The following ATP10B variants were observed in gnomAD, a reference collection of about 807,000 sequenced individuals.
The protein encoded by ATP10B is phospholipid-transporting ATPase VB.
A neutral mutation model predicts 141.2 loss-of-function variants in ATP10B; 122 were observed. The ratio of observed to expected loss-of-function variants is 0.86; its 90% CI spans 0.75 to 1.00. The LOEUF is 1.00. ATP10B is among the 50% of genes least tolerant of loss of function. The probability of loss-of-function intolerance (pLI) is 0.00; values close to 1 mark genes in which losing one functional copy is unlikely to be tolerated. For missense variants in ATP10B, 1,876 were observed against 1,825.3 expected (o/e 1.03, Z -0.51); for synonymous variants, 685 against 692.0 (o/e 0.99, Z 0.16).
intron 1 of ATP10B, among the ~76,000 whole-genome samples, chr5:160,815,497 T>C (rs902306167): frequency 2.0e-5 from 3 of 151,804 alleles, no homozygotes; most frequent in African/African-American, 7.2e-5. Context: ...AGCAAGTCCT[T>C]AGAGACCTAC....
At chr5:160,714,933 C>G (rs1247458828) in intron 3 of ATP10B, among the ~76,000 whole-genome samples, 1 of 138,896 alleles carries the variant, frequency 7.2e-6, no homozygotes, top group Non-Finnish European at 1.6e-5. Flanking sequence ...GCTCGGGGGT[C>G]AGGGGTCAGG....
chr5:160,587,277 G>A (rs190317556), intron 24 of ATP10B, among the ~76,000 whole-genome samples: 2 of 152,136 alleles, frequency 1.3e-5, no homozygotes, highest in African/African-American at 4.8e-5. Context: ...GGTGTGTGGT[G>A]TTATTTGAGG....
At chr5:160,729,028 G>A (rs975226179) in intron 2 of ATP10B, among the ~76,000 whole-genome samples, 32 of 152,190 alleles carry the variant, frequency 2.1e-4, no homozygotes, top group Admixed American at 2.6e-4. Context: ...CAGCTCTGCT[G>A]CTGATTTGCT....
intron 17 of ATP10B, among the ~76,000 whole-genome samples, chr5:160,614,849 C>T (rs563693365): frequency 5.9e-5 from 9 of 152,304 alleles, no homozygotes; most frequent in Non-Finnish European, 1.3e-4. Context: ...TGGTCCTCAT[C>T]CCCAGGTCAA....
rs183111556 is a variant in ATP10B at position 160,749,564 on chromosome 5, T to C, written c.-330-32530A>G. Among the ~76,000 whole-genome samples the C allele has an allele frequency of 2.5e-3, 378 of 152,218 alleles. 3 individuals are homozygous for C. Among genetic ancestry groups the C allele is most frequent in the African/African-American group, 8.8e-3 (365 of 41,548 alleles). ...ACGACTGTCACTATCATCCCTCCAA[T>C]ACATAGAAGGAAAATGAGAATTTAA... On this transcript the variant is annotated intron_variant, in intron 2 of 25. Coordinates refer to ENST00000327245, the MANE Select transcript of ATP10B (RefSeq NM_025153.3).
intron 24 of ATP10B, among the ~76,000 whole-genome samples, chr5:160,587,266 AGGTGTGT>A (rs1755970921): frequency 6.6e-6 from 1 of 152,156 alleles, no homozygotes; most frequent in African/African-American, 2.4e-5. Context: ...AGATGGTTGT[AGGTGTGT>A]GGTGTTATTT....
chr5:160,721,652 A>C (rs2127782369), intron 2 of ATP10B, among the ~76,000 whole-genome samples: 1 of 152,308 alleles, frequency 6.6e-6, no homozygotes, highest in East Asian at 1.9e-4. Context: ...ATTCAAGCTG[A>C]TGAGTGGGTT....
At chr5:160,663,996 A>G (rs1008430140) in intron 7 of ATP10B, among the ~76,000 whole-genome samples, 1 of 152,194 alleles carries the variant, frequency 6.6e-6, no homozygotes, top group Non-Finnish European at 1.5e-5. Flanking sequence ...AAAACTGCCT[A>G]TGGCACATAG....
chr5:160,827,303 C>T (rs1249362245), intron 1 of ATP10B, among the ~76,000 whole-genome samples: 1 of 152,216 alleles, frequency 6.6e-6, no homozygotes, highest in East Asian at 1.9e-4. Context: ...TACCTTTTCT[C>T]TTCAACCTTG....
intron 1 of ATP10B, among the ~76,000 whole-genome samples, chr5:160,812,755 G>A (rs978846535): frequency 6.6e-6 from 1 of 152,140 alleles, no homozygotes; most frequent in Non-Finnish European, 1.5e-5. Flanking sequence ...ACACCTACAG[G>A]ATCTAGAAAA....
intron 2 of ATP10B, among the ~76,000 whole-genome samples, chr5:160,775,908 C>T (rs995271220): frequency 6.6e-6 from 1 of 152,054 alleles, no homozygotes; most frequent in African/African-American, 2.4e-5. Flanking sequence ...GTCTTGATCT[C>T]CTGACTTCAT....
At chr5:160,855,485 T>G (rs1247281725), upstream of ATP10B, among the ~76,000 whole-genome samples, 2 of 151,910 alleles carry the variant, frequency 1.3e-5, no homozygotes, top group Non-Finnish European at 2.9e-5. Flanking sequence ...TTGTTTGTTT[T>G]TTTTTTAGTT....
rs973187068 is a variant in ATP10B at position 160,582,293 on chromosome 5, C to T, written c.3750+7299G>A. ...TTTGCAGTGGCTGCTACTGATTTTT[C>T]CTTTCCATACTTAGTGCTTCCTTCA... is the stretch of plus-strand genomic sequence containing the variant. On this transcript the variant is annotated intron_variant, in intron 24 of 25. Coordinates refer to ENST00000327245, the MANE Select transcript of ATP10B (RefSeq NM_025153.3). Among the ~76,000 whole-genome samples the T allele has an allele frequency of 3.9e-5, 6 of 152,268 alleles. No individual in the cohort carries two copies. In the East Asian group the frequency reaches 1.2e-3, roughly 29 times the overall value.
chr5:160,791,261 G>T (rs532637446), intron 1 of ATP10B, among the ~76,000 whole-genome samples: 3 of 152,284 alleles, frequency 2.0e-5, no homozygotes, highest in African/African-American at 7.2e-5. Flanking sequence ...AAATAAAGTT[G>T]TGTTGTTTTT....
chr5:160,640,943 T>C (rs547157254), intron 9 of ATP10B, among the ~76,000 whole-genome samples: 110 of 152,318 alleles, frequency 7.2e-4, no homozygotes, highest in African/African-American at 2.5e-3. Context: ...GATAGTAAGC[T>C]GTCTTAAAGA....
chr5:160,842,763 A>G (rs1387647759), intron 1 of ATP10B, among the ~76,000 whole-genome samples: 1 of 152,006 alleles, frequency 6.6e-6, no homozygotes. Flanking sequence ...AATCTGAATC[A>G]TCCTATATTT....
chr5:160,677,690 T>C (rs1038875616), intron 6 of ATP10B, among the ~76,000 whole-genome samples: 1 of 152,218 alleles, frequency 6.6e-6, no homozygotes, highest in Non-Finnish European at 1.5e-5. Flanking sequence ...ATTTTATGAG[T>C]GCCACAGGCA....
At chr5:160,588,211 C>G (rs770361314) in intron 24 of ATP10B, among the ~76,000 whole-genome samples, 1 of 152,202 alleles carries the variant, frequency 6.6e-6, no homozygotes, top group Non-Finnish European at 1.5e-5. Context: ...TACTTTCTCT[C>G]TTTCTATTTG....
At chr5:160,717,386 A>G (rs1156263521) in intron 2 of ATP10B, among the ~76,000 whole-genome samples, 4 of 152,158 alleles carry the variant, frequency 2.6e-5, no homozygotes, top group South Asian at 2.1e-4. Context: ...TATATCTCCA[A>G]TTCTCTTCTT....
Sources: gnomAD v4.1 joint callset for allele counts (sites outside exome capture counted in the v4.1 genomes callset) on GRCh38, gnomAD v4.1.1 for gene constraint, MANE v1.5 for transcripts, NCBI Gene and HGNC (gene_info 2026-07-23, HGNC 2026-07-21) for gene names.